Variants in EPB41L3 observed in about 807,000 individuals in gnomAD.
EPB41L3 encodes band 4.1-like protein 3.
EPB41L3 carries 57 observed loss-of-function variants against 127.1 expected under a neutral mutation model. That is an observed-to-expected ratio of 0.45 (90% CI 0.36 to 0.56). The LOEUF (loss-of-function observed/expected upper bound fraction) is 0.56. Among genes scored for constraint, EPB41L3 ranks in the 20% least tolerant of loss-of-function variants. The pLI, the probability that EPB41L3 is intolerant of heterozygous loss-of-function variation, is 0.00. For synonymous variants in EPB41L3, 572 were observed against 549.5 expected (o/e 1.04, Z -0.57); for missense variants, 1,273 against 1,372.2 (o/e 0.93, Z 1.14).
intron 1 of EPB41L3, among the ~76,000 whole-genome samples, chr18:5,524,941 T>C (rs562770114): frequency 6.6e-6 from 1 of 152,300 alleles, no homozygotes; most frequent in South Asian, 2.1e-4. Flanking sequence ...GGGGAGGGGC[T>C]GGTCTGAAAT....
chr18:5,527,644 G>A (rs1283601743), intron 1 of EPB41L3, among the ~76,000 whole-genome samples: 1 of 152,236 alleles, frequency 6.6e-6, no homozygotes, highest in Non-Finnish European at 1.5e-5. Context: ...AATCAGGGAA[G>A]AGGAGCAGGT....
At chr18:5,508,787 A>AG (rs1262019447) in intron 1 of EPB41L3, among the ~76,000 whole-genome samples, 1 of 151,490 alleles carries the variant, frequency 6.6e-6, no homozygotes, top group Non-Finnish European at 1.5e-5. Flanking sequence ...AAAAAAAAAA[A>AG]AGAATCTAGT....
chr18:5,466,124 TACA>T (rs753954603), intron 3 of EPB41L3, among the ~76,000 whole-genome samples: 1 of 152,202 alleles, frequency 6.6e-6, no homozygotes, highest in Non-Finnish European at 1.5e-5. Flanking sequence ...TGGACTGAAA[TACA>T]ACAATGCCAG....
chr18:5,464,012 T>C (rs2084506753), intron 3 of EPB41L3, among the ~76,000 whole-genome samples: 1 of 152,024 alleles, frequency 6.6e-6, no homozygotes, highest in African/African-American at 2.4e-5. Context: ...CTCCAGCTCA[T>C]TTCCTGCCCA....
intron 2 of EPB41L3, among the ~76,000 whole-genome samples, chr18:5,480,642 G>T (rs2088268626): frequency 6.6e-6 from 1 of 152,146 alleles, no homozygotes; most frequent in African/African-American, 2.4e-5. Flanking sequence ...TATCTTTTCT[G>T]AACTCTTCAT....
At chr18:5,525,190 A>G (rs1281428364) in intron 1 of EPB41L3, among the ~76,000 whole-genome samples, 1 of 152,140 alleles carries the variant, frequency 6.6e-6, no homozygotes, top group African/African-American at 2.4e-5. Flanking sequence ...GCTGGACCCA[A>G]GTAGAGCAGG....
chr18:5,541,490 T>C (rs935620154), intron 1 of EPB41L3, among the ~76,000 whole-genome samples: 6 of 151,414 alleles, frequency 4.0e-5, no homozygotes, highest in Non-Finnish European at 7.4e-5. Context: ...TAATATACTA[T>C]ATAAGTCCAG....
chr18:5,433,810 A>T, intron 7 of EPB41L3, 93 bp downstream of exon 7: 1 of 1,384,686 alleles, frequency 7.2e-7, no homozygotes, highest in Admixed American at 1.7e-5. Context: ...CTCGCCGTTA[A>T]TGGACTGAAA....
At chr18:5,547,252 C>T (rs1047494313), upstream of EPB41L3, among the ~76,000 whole-genome samples, 1 of 152,190 alleles carries the variant, frequency 6.6e-6, no homozygotes. Flanking sequence ...GCCACTATAG[C>T]CCCAGAGAAT....
At chr18:5,544,091 G>T, upstream of EPB41L3, 1 of 985,654 alleles carries the variant, frequency 1.0e-6, no homozygotes, top group Non-Finnish European at 1.2e-6. Context: ...GAGCTGCGGC[G>T]GGGGCCCACG....
chr18:5,516,950 T>C (rs2092774727), intron 1 of EPB41L3, among the ~76,000 whole-genome samples: 1 of 152,204 alleles, frequency 6.6e-6, no homozygotes, highest in African/African-American at 2.4e-5. Flanking sequence ...AGATTGTCTA[T>C]AAAGTCTTAA....
chr18:5,587,289 A>G (rs1264580981), intron 3 of EPB41L3, among the ~76,000 whole-genome samples: 4 of 152,044 alleles, frequency 2.6e-5, no homozygotes, highest in African/African-American at 9.7e-5. Flanking sequence ...TTTTACATTT[A>G]GCTTTTGCAC....
At chr18:5,487,879 A>G (rs753063233) in intron 2 of EPB41L3, among the ~76,000 whole-genome samples, 9 of 152,126 alleles carry the variant, frequency 5.9e-5, no homozygotes, top group Admixed American at 2.0e-4. Context: ...TGTGACTTCC[A>G]AAGATTTTCA....
intron 3 of EPB41L3, among the ~76,000 whole-genome samples, chr18:5,448,459 T>G (rs1051671606): frequency 6.6e-6 from 1 of 152,192 alleles, no homozygotes; most frequent in East Asian, 1.9e-4. Flanking sequence ...ATGTTTACCA[T>G]ATATGACTAA....
chr18:5,423,044 G>C (rs563075464), intron 11 of EPB41L3, among the ~76,000 whole-genome samples: 1 of 152,228 alleles, frequency 6.6e-6, no homozygotes, highest in African/African-American at 2.4e-5. Flanking sequence ...AGACCTGTTG[G>C]CAAGAGAATC....
chr18:5,397,055 T>C lies in EPB41L3; in HGVS notation c.2841+3A>G. 5.7e-6 allele frequency: 9 copies of C among 1,587,286 alleles called. No individual in the cohort carries two copies. Among genetic ancestry groups the C allele is most frequent in the Non-Finnish European group, 6.8e-6 (8 of 1,168,930 alleles). On this transcript the variant is annotated splice_donor_region_variant and intron_variant, in intron 18 of 22. Transcript: ENST00000341928. This position sits in a 1 kb window ranked among gnomAD's most constrained non-coding sequence, Gnocchi z 4.1. ...GATAAAAGTAACATTTACTACTAGT[T>C]ACCTCAAAATGAGGTTTTTGTTCCA...
chr18:5,449,236 CA>C (rs1380496275), intron 3 of EPB41L3, among the ~76,000 whole-genome samples: 1 of 151,468 alleles, frequency 6.6e-6, no homozygotes, highest in Non-Finnish European at 1.5e-5. Flanking sequence ...AAAGATGTTC[CA>C]AATCAAACAT....
chr18:5,520,818 G>A (rs2092959856), intron 1 of EPB41L3, among the ~76,000 whole-genome samples: 1 of 152,170 alleles, frequency 6.6e-6, no homozygotes, highest in African/African-American at 2.4e-5. Context: ...CTTGTAAATG[G>A]AAGCACTGAA....
chr18:5,435,596 C>A (rs2079654519), intron 6 of EPB41L3, among the ~76,000 whole-genome samples: 1 of 152,186 alleles, frequency 6.6e-6, no homozygotes, highest in Non-Finnish European at 1.5e-5. Context: ...GCAGGCTCTA[C>A]CATTTAGCTT....
Sources: gnomAD v4.1 joint callset for allele counts (sites outside exome capture counted in the v4.1 genomes callset) on GRCh38, gnomAD v4.1.1 for gene constraint, Gnocchi (gnomAD v3.1) non-coding constraint, MANE v1.5 for transcripts, NCBI Gene and HGNC (gene_info 2026-07-23, HGNC 2026-07-21) for gene names.